FGGY: variants seen among roughly 807,000 people sequenced by gnomAD.
The protein encoded by FGGY is FGGY carbohydrate kinase domain containing, also known as FGGY carbohydrate kinase domain-containing protein.
FGGY carries 72 observed loss-of-function variants against 71.3 expected under a neutral mutation model. That is an observed-to-expected ratio of 1.01 (90% CI 0.84 to 1.23). The LOEUF (loss-of-function observed/expected upper bound fraction) is 1.23. FGGY is among the 50% of genes most tolerant of loss of function. The pLI is 0.00. For missense variants in FGGY, 668 were observed against 682.3 expected, an observed-to-expected ratio of 0.98 and a Z score of 0.23; for synonymous variants, 251 against 250.3, an observed-to-expected ratio of 1.00 and a Z score of -0.02.
chr1:59,587,147 G>A (rs1206382645), intron 8 of FGGY, among the ~76,000 whole-genome samples: 3 of 152,198 alleles, frequency 2.0e-5, no homozygotes, highest in Non-Finnish European at 2.9e-5. Context: ...ATTATATCCC[G>A]CACCTGGCTT....
intron 6 of FGGY, among the ~76,000 whole-genome samples, chr1:59,500,663 C>CAAAAAAAAAAA (rs922111998): frequency 4.5e-5 from 2 of 44,760 alleles, no homozygotes; most frequent in African/African-American, 9.1e-5. Context: ...GCCTTCTTGC[C>CAAAAAAAAAAA]AAAAAAAAAA....
intron 12 of FGGY, among the ~76,000 whole-genome samples, chr1:59,664,728 A>T (rs1489399737): frequency 6.6e-6 from 1 of 152,252 alleles, no homozygotes; most frequent in Non-Finnish European, 1.5e-5. Flanking sequence ...CATATAGTTG[A>T]TAACCAGAAG....
chr1:59,718,967 A>G (rs1270603473), intron 14 of FGGY, among the ~76,000 whole-genome samples: 1 of 152,086 alleles, frequency 6.6e-6, no homozygotes, highest in Non-Finnish European at 1.5e-5. Flanking sequence ...TCTCAGAACA[A>G]TTGACTTTTG....
chr1:59,694,802 G>C (rs557411867), intron 14 of FGGY, among the ~76,000 whole-genome samples: 10 of 151,974 alleles, frequency 6.6e-5, no homozygotes, highest in African/African-American at 2.4e-4. Context: ...TGGGACTATG[G>C]ATGTACTTCA....
At chr1:59,540,415 T>C (rs2095422225) in intron 7 of FGGY, among the ~76,000 whole-genome samples, 1 of 152,200 alleles carries the variant, frequency 6.6e-6, no homozygotes, top group South Asian at 2.1e-4. Flanking sequence ...ATGTACAAAA[T>C]ATTGCTACAT....
chr1:59,437,175 C>T (rs1425485578), intron 5 of FGGY, among the ~76,000 whole-genome samples: 1 of 152,154 alleles, frequency 6.6e-6, no homozygotes, highest in Non-Finnish European at 1.5e-5. Flanking sequence ...TTTATTGTTT[C>T]CTGAGGAGCC....
At position 59,585,327 on chromosome 1, in the gene FGGY, G is replaced by C. The variant is rs1387347273; in HGVS notation, c.904-22476G>C. ...GTACTGGTACCAAAACAGAGATGCA[G>C]ACCAATGGAACAGAACAGAGCCCTC... On this transcript the variant is annotated intron_variant, in intron 8 of 15. Coordinates refer to ENST00000303721, the MANE Select transcript of FGGY (RefSeq NM_018291.5). Among the ~76,000 whole-genome samples, 4 of 152,160 alleles carry C rather than the reference G, an allele frequency of 2.6e-5. 1 individual carries two copies. The East Asian group carries it at 7.7e-4, about 29-fold the overall frequency.
intron 7 of FGGY, among the ~76,000 whole-genome samples, chr1:59,544,855 T>C (rs950048854): frequency 1.3e-5 from 2 of 152,234 alleles, no homozygotes; most frequent in Admixed American, 6.5e-5. Flanking sequence ...TCAGACTGTG[T>C]AGCTCAACAG....
rs1328382435 is a variant in FGGY, at chr1:59,720,729, G to A, written c.1513-37202G>A. ...GAATACTTGTGCCTGCCTGGGGGAG[G>A]GAGGTATATTATGAAGGATGACTTT... On this transcript the variant is annotated intron_variant, in intron 14 of 15. Coordinates refer to ENST00000303721, the MANE Select transcript of FGGY (RefSeq NM_018291.5). Among the ~76,000 whole-genome samples the A allele has an allele frequency of 3.3e-5, 5 of 152,250 alleles. No homozygotes were observed. In the East Asian group the frequency reaches 9.6e-4, roughly 29 times the overall value.
chr1:59,567,953 T>C (rs2153729880), intron 8 of FGGY, among the ~76,000 whole-genome samples: 1 of 151,702 alleles, frequency 6.6e-6, no homozygotes, highest in Admixed American at 6.6e-5. Flanking sequence ...TCACCATTCA[T>C]CCTGTGTTCT....
At chr1:59,442,622 A>G (rs567835185) in intron 5 of FGGY, among the ~76,000 whole-genome samples, 1 of 152,192 alleles carries the variant, frequency 6.6e-6, no homozygotes, top group South Asian at 2.1e-4. Flanking sequence ...GCTTTGTGTC[A>G]AAGGGATACT....
chr1:59,395,713 T>C (rs934490252), intron 5 of FGGY, among the ~76,000 whole-genome samples: 1 of 152,204 alleles, frequency 6.6e-6, no homozygotes, highest in Non-Finnish European at 1.5e-5. Context: ...TCTTATGTTA[T>C]ATGTATTATA....
chr1:59,646,171 G>A (rs553011476), intron 11 of FGGY, among the ~76,000 whole-genome samples: 2 of 152,304 alleles, frequency 1.3e-5, no homozygotes, highest in East Asian at 1.9e-4. Context: ...TGGCTTTTCC[G>A]ATAGGGAGAT....
intron 10 of FGGY, among the ~76,000 whole-genome samples, chr1:59,628,489 A>C (rs891092910): frequency 6.6e-6 from 1 of 152,218 alleles, no homozygotes; most frequent in Non-Finnish European, 1.5e-5. Flanking sequence ...TCAACTCTGG[A>C]CCAGAGAAAG....
At chr1:59,319,687 T>G (rs774720735) in intron 1 of FGGY, among the ~76,000 whole-genome samples, 1 of 152,070 alleles carries the variant, frequency 6.6e-6, no homozygotes, top group Non-Finnish European at 1.5e-5. Flanking sequence ...TGAGAGCTTA[T>G]GAGGAGTTTG....
intron 9 of FGGY, among the ~76,000 whole-genome samples, chr1:59,611,612 G>A (rs1047198612): frequency 3.3e-5 from 5 of 152,200 alleles, no homozygotes; most frequent in Non-Finnish European, 5.9e-5. Flanking sequence ...CCAAAGGAAC[G>A]CAGCTCCTCA....
chr1:59,417,012 A>G (rs772130274), intron 5 of FGGY, among the ~76,000 whole-genome samples: 2 of 152,228 alleles, frequency 1.3e-5, no homozygotes, highest in South Asian at 4.1e-4. Context: ...TATACAGTAT[A>G]GTATTTCTAG....
At chr1:59,389,373 G>A (rs1419189647) in intron 5 of FGGY, among the ~76,000 whole-genome samples, 1 of 152,128 alleles carries the variant, frequency 6.6e-6, no homozygotes, top group South Asian at 2.1e-4. Flanking sequence ...TTTTCAAGGT[G>A]TGTCTATGCT....
At chr1:59,548,126 G>A (rs192819209) in intron 7 of FGGY, among the ~76,000 whole-genome samples, 1 of 152,324 alleles carries the variant, frequency 6.6e-6, no homozygotes, top group East Asian at 1.9e-4. Flanking sequence ...GTGTTTTGGG[G>A]ATGTGGGGAG....
Sources: gnomAD v4.1 joint callset for allele counts (sites outside exome capture counted in the v4.1 genomes callset) on GRCh38, gnomAD v4.1.1 for gene constraint, MANE v1.5 for transcripts, NCBI Gene and HGNC (gene_info 2026-07-23, HGNC 2026-07-21) for gene names.